ARHGEF3: variants seen among roughly 807,000 people sequenced by gnomAD.
The protein encoded by ARHGEF3 is Rho guanine nucleotide exchange factor 3.
A neutral mutation model predicts 63.2 loss-of-function variants in ARHGEF3; 28 were observed. The observed-to-expected ratio is 0.44, with a 90% CI of 0.33 to 0.61. The LOEUF is 0.61. Ranked by LOEUF, ARHGEF3 falls within the 20% of genes least tolerant of loss-of-function variation. The pLI is 0.03. For synonymous variants in ARHGEF3, 266 were observed against 254.2 expected, an observed-to-expected ratio of 1.05 and a Z score of -0.44; for missense variants, 533 against 659.3, an observed-to-expected ratio of 0.81 and a Z score of 2.10.
At chr3:56,958,831 A>T (rs1244631569) in exon 3 of ARHGEF3, 2 of 1,551,524 alleles carry the variant, frequency 1.3e-6, no homozygotes, top group South Asian at 2.4e-5. Context: ...ACCCCTCTGA[A>T]ATTCCAGGCT....
intron 2 of ARHGEF3, among the ~76,000 whole-genome samples, chr3:57,030,115 G>T (rs1248420872): frequency 1.3e-5 from 2 of 152,196 alleles, no homozygotes; most frequent in Non-Finnish European, 1.5e-5. Context: ...CATGAAAACT[G>T]CCTGCAGCGC....
intron 2 of ARHGEF3, among the ~76,000 whole-genome samples, chr3:57,026,223 G>A (rs891596776): frequency 1.3e-5 from 2 of 152,074 alleles, no homozygotes; most frequent in Non-Finnish European, 2.9e-5. Context: ...AACATAGTGA[G>A]AGTCCATCTA....
chr3:56,785,395 C>A (rs531173085), intron 1 of ARHGEF3, among the ~76,000 whole-genome samples: 1 of 152,186 alleles, frequency 6.6e-6, no homozygotes, highest in Admixed American at 6.5e-5. Flanking sequence ...TTGCATTATC[C>A]TCCCACCCGC....
chr3:56,972,247 A>G (rs1198953312), intron 2 of ARHGEF3, among the ~76,000 whole-genome samples: 1 of 152,052 alleles, frequency 6.6e-6, no homozygotes, highest in Non-Finnish European at 1.5e-5. Flanking sequence ...CAACTTATAC[A>G]ACTTTCCCAG....
intron 1 of ARHGEF3, among the ~76,000 whole-genome samples, chr3:57,040,049 A>C (rs768077794): frequency 6.6e-6 from 1 of 152,192 alleles, no homozygotes; most frequent in Non-Finnish European, 1.5e-5. Flanking sequence ...GAATGAAATC[A>C]ATGGTGGTGA....
At chr3:56,862,372 T>C (rs1008010031) in intron 4 of ARHGEF3, among the ~76,000 whole-genome samples, 23 of 152,180 alleles carry the variant, frequency 1.5e-4, no homozygotes, top group African/African-American at 5.6e-4. Flanking sequence ...GAAATACTCT[T>C]TCCCTGAATC....
intron 1 of ARHGEF3, among the ~76,000 whole-genome samples, chr3:57,066,266 C>A (rs955190141): frequency 1.3e-5 from 2 of 151,294 alleles, no homozygotes; most frequent in Non-Finnish European, 2.9e-5. Flanking sequence ...CTTTTCCTTT[C>A]TTTCTTTTTT....
chr3:56,767,467 C>A (rs188297487), intron 2 of ARHGEF3, among the ~76,000 whole-genome samples: 23 of 151,160 alleles, frequency 1.5e-4, no homozygotes, highest in Non-Finnish European at 2.7e-4. Flanking sequence ...GCCTATAGTC[C>A]CAGCTACTGG....
At chr3:57,008,315 C>A (rs1481063684) in intron 2 of ARHGEF3, among the ~76,000 whole-genome samples, 1 of 152,124 alleles carries the variant, frequency 6.6e-6, no homozygotes, top group Non-Finnish European at 1.5e-5. Flanking sequence ...TCCTGGGGCT[C>A]CTGTGGTCAC....
At chr3:56,768,037 CAT>C (rs1404306859) in intron 2 of ARHGEF3, among the ~76,000 whole-genome samples, 1 of 151,108 alleles carries the variant, frequency 6.6e-6, no homozygotes, top group African/African-American at 2.4e-5. Flanking sequence ...CGTGAGCCAC[CAT>C]GCCCAGCCCC....
chr3:56,900,294 C>T (rs542494751), intron 3 of ARHGEF3, among the ~76,000 whole-genome samples: 1 of 152,270 alleles, frequency 6.6e-6, no homozygotes, highest in East Asian at 1.9e-4. Context: ...CATCTAGATA[C>T]CTTGATTGCA....
intron 2 of ARHGEF3, among the ~76,000 whole-genome samples, chr3:56,972,607 C>T (rs1191030765): frequency 2.0e-5 from 3 of 151,894 alleles, no homozygotes; most frequent in Admixed American, 6.6e-5. Context: ...CTGCAAGAGC[C>T]GGAAGCCTGT....
rs1704248836 is a variant in ARHGEF3 at position 57,042,675 on chromosome 3, TATATATATATA to T, written c.-27-7510_-27-7500del. ...AAATATATATATATATATATATATATATATATATATATATATATATATATATTTTTTTTTTT... is the reference window on the plus strand; with the variant it reads ...AAATATATATATATATATATATATATTATATATATATATATTTTTTTTTTT... On this transcript the variant is annotated intron_variant, in intron 1 of 12. Transcript: ENST00000338458. 3.8e-3 allele frequency among the ~76,000 whole-genome samples: 159 copies of T among 41,352 alleles called. 10 individuals are homozygous for T. The highest frequency in any genetic ancestry group is 0.01 in the South Asian group (11 of 1,054). The allele number at this position is 41,352 out of a possible 152,430, so 27.1% of individuals were successfully genotyped here.
intron 1 of ARHGEF3, among the ~76,000 whole-genome samples, chr3:57,060,112 G>A (rs1213461633): frequency 1.3e-5 from 2 of 152,200 alleles, no homozygotes; most frequent in Non-Finnish European, 2.9e-5. Flanking sequence ...TTGAGCCTAG[G>A]AGTTCAAGAG....
In ARHGEF3 at chr3:56,728,033, C is replaced by T. The variant is rs1003270495; in HGVS notation, c.*1237G>A. 1 of 152,614 alleles carries T rather than the reference C, an allele frequency of 6.6e-6. No homozygotes were observed. Among genetic ancestry groups the T allele is most frequent in the African/African-American group, 2.4e-5 (1 of 41,446 alleles). 9.5% of individuals were successfully genotyped at this position (152,614 alleles called of 1,614,324 possible). ...AGGTCATCCTTAATATTTACACTTG[C>T]AGGGAGCTCTTCTAGGTACTTAGCT... On this transcript the variant is annotated 3_prime_UTR_variant, in exon 10 of 10. Transcript: ENST00000296315.
At chr3:56,814,665 C>CA (rs2038200682) in intron 4 of ARHGEF3, among the ~76,000 whole-genome samples, 1 of 150,804 alleles carries the variant, frequency 6.6e-6, no homozygotes, top group African/African-American at 2.4e-5. Flanking sequence ...ATCCTTCTCC[C>CA]TTTTTTTTTA....
intron 2 of ARHGEF3, among the ~76,000 whole-genome samples, chr3:57,012,969 A>G (rs1702767263): frequency 6.6e-6 from 1 of 151,854 alleles, no homozygotes; most frequent in African/African-American, 2.4e-5. Context: ...CAGGCCCTGC[A>G]CTCCTGCTGG....
chr3:56,856,810 G>A (rs1464374379), intron 4 of ARHGEF3, among the ~76,000 whole-genome samples: 1 of 149,862 alleles, frequency 6.7e-6, no homozygotes, highest in Non-Finnish European at 1.5e-5. Flanking sequence ...GCTTTCCAGA[G>A]CTTGCTTAGA....
chr3:56,953,856 C>CACCTGGAAACAGCTGT (rs890416939), intron 3 of ARHGEF3, among the ~76,000 whole-genome samples: 2 of 152,174 alleles, frequency 1.3e-5, no homozygotes, highest in Non-Finnish European at 1.5e-5. Context: ...AAAAGGAATA[C>CACCTGGAAACAGCTGT]ACCTGGAAAC....
Sources: gnomAD v4.1 joint callset for allele counts (sites outside exome capture counted in the v4.1 genomes callset) on GRCh38, gnomAD v4.1.1 for gene constraint, MANE v1.5 for transcripts, NCBI Gene and HGNC (gene_info 2026-07-23, HGNC 2026-07-21) for gene names.